Variants in PIK3CD observed in about 807,000 individuals in gnomAD.
The protein encoded by PIK3CD is phosphatidylinositol-4,5-bisphosphate 3-kinase catalytic subunit delta, also known as phosphatidylinositol 4,5-bisphosphate 3-kinase catalytic subunit delta isoform.
A neutral mutation model predicts 122.9 loss-of-function variants in PIK3CD; 20 were observed. The ratio of observed to expected loss-of-function variants is 0.16; its 90% confidence interval spans 0.11 to 0.24. The LOEUF is 0.24. Ranked by LOEUF, PIK3CD falls within the 10% of genes least tolerant of loss-of-function variation. The probability of loss-of-function intolerance (pLI) is 1.00; values close to 1 mark genes in which losing one functional copy is unlikely to be tolerated. For missense variants in PIK3CD, 787 were observed against 1,406.3 expected, an observed-to-expected ratio of 0.56 and a Z score of 7.04; for synonymous variants, 596 against 593.4, an observed-to-expected ratio of 1.00 and a Z score of -0.06.
intron 3 of PIK3CD, among the ~76,000 whole-genome samples, chr1:9,712,558 G>T (rs1002156617): frequency 6.6e-6 from 1 of 152,146 alleles, no homozygotes; most frequent in African/African-American, 2.4e-5. Flanking sequence ...TGGGATTACA[G>T]CCGTGAGCCA....
intron 2 of PIK3CD, among the ~76,000 whole-genome samples, chr1:9,706,145 C>T (rs1646823703): frequency 6.7e-6 from 1 of 148,490 alleles, no homozygotes; most frequent in Non-Finnish European, 1.5e-5. Flanking sequence ...CTTTGGCCTC[C>T]CAAAGTGCTG....
At chr1:9,661,906 C>G (rs1473553489) in intron 1 of PIK3CD, among the ~76,000 whole-genome samples, 1 of 151,776 alleles carries the variant, frequency 6.6e-6, no homozygotes, top group East Asian at 1.9e-4. Context: ...TGAGGCAGGA[C>G]AATGGTGTGG....
rs1483093926 is a variant in PIK3CD at position 9,689,922 on chromosome 1, T to C, written c.-137-1545T>C. ...TTGCGTTCGCGGTGGGATTCTCAGC[T>C]ATGGGCCGCGCGACGCTCTCCTCTC... On this transcript the variant is annotated intron_variant, in intron 1 of 23. Coordinates refer to ENST00000377346, the MANE Select transcript of PIK3CD (RefSeq NM_005026.5). The surrounding 1 kb of genome is among the most constrained non-coding windows in gnomAD (Gnocchi z 6.1). 1.3e-5 allele frequency among the ~76,000 whole-genome samples: 2 copies of C among 151,658 alleles called. No individual in the cohort carries two copies. Among genetic ancestry groups the C allele is most frequent in the South Asian group, 4.2e-4 (2 of 4,800 alleles).
intron 1 of PIK3CD, among the ~76,000 whole-genome samples, chr1:9,659,691 G>C (rs1020761804): frequency 1.3e-5 from 2 of 152,104 alleles, no homozygotes; most frequent in Admixed American, 6.6e-5. Flanking sequence ...CCGTGTGGGG[G>C]TATGTATCAG....
At chr1:9,649,420 A>T (rs1218402918), upstream of PIK3CD, among the ~76,000 whole-genome samples, 1 of 151,770 alleles carries the variant, frequency 6.6e-6, no homozygotes, top group Admixed American at 6.6e-5. Flanking sequence ...TTTTGTAGAG[A>T]CTGGGTTTTG....
intron 2 of PIK3CD, among the ~76,000 whole-genome samples, chr1:9,699,997 G>T (rs1439449232): frequency 1.3e-5 from 2 of 152,250 alleles, no homozygotes; most frequent in East Asian, 3.9e-4. Context: ...TCTCACCCGA[G>T]GACCCTTCCC....
intron 1 of PIK3CD, chr1:9,653,661 G>T: frequency 2.0e-6 from 1 of 509,842 alleles, no homozygotes; most frequent in Admixed American, 2.7e-5. Context: ...GGGGCGGAAG[G>T]TTCTTTTGGT....
intron 1 of PIK3CD, among the ~76,000 whole-genome samples, chr1:9,655,633 TC>T (rs1162800290): frequency 6.6e-6 from 1 of 150,926 alleles, no homozygotes; most frequent in Non-Finnish European, 1.5e-5. Context: ...CCTTACCACC[TC>T]GGATAAGGGT....
intron 1 of PIK3CD, among the ~76,000 whole-genome samples, chr1:9,668,699 G>A (rs955717605): frequency 6.6e-6 from 1 of 151,876 alleles, no homozygotes; most frequent in Non-Finnish European, 1.5e-5. Flanking sequence ...GATTGATTTT[G>A]TTTTAATCTA....
rs752480132 is a variant in PIK3CD, at chr1:9,717,140, C to A, written c.930+32C>A. The A allele has an allele frequency of 6.2e-7, 1 of 1,613,322 alleles. No individual in the cohort carries two copies. Among genetic ancestry groups the A allele is most frequent in the Non-Finnish European group, 8.5e-7 (1 of 1,179,722 alleles). On this transcript the variant is annotated intron_variant, in intron 7 of 23. Transcript: ENST00000377346. The surrounding 1 kb of genome is among the most constrained non-coding windows in gnomAD (Gnocchi z 5.4). ...TGGCGCCTTCCGCCTCCCCTCTGAGCCACCCCTTCTTTCCACCTGGCGTCC... is the reference window on the plus strand; with the variant it reads ...TGGCGCCTTCCGCCTCCCCTCTGAGACACCCCTTCTTTCCACCTGGCGTCC...
chr1:9,698,968 A>G (rs982200320), intron 2 of PIK3CD, among the ~76,000 whole-genome samples: 4 of 152,218 alleles, frequency 2.6e-5, no homozygotes, highest in African/African-American at 9.6e-5. Flanking sequence ...CAGGAGGATT[A>G]CTTGAGCCCA....
chr1:9,724,252 C>CCCCCTCCTCT lies in PIK3CD; in HGVS notation c.2719-16_2719-7dup, dbSNP rs1649146059. The CCCCCTCCTCT allele has an allele frequency of 6.2e-7, 1 of 1,613,754 alleles. No homozygotes were observed. Among genetic ancestry groups the CCCCCTCCTCT allele is most frequent in the African/African-American group, 1.3e-5 (1 of 74,916 alleles). Reference sequence around the variant, plus strand: ...TCCTGTCTGACACCTTCTCAATCCTCCCCCTCCTCTCCCCTCCCCTCAGCT... The same window carrying CCCCCTCCTCT: ...TCCTGTCTGACACCTTCTCAATCCTCCCCCTCCTCTCCCCTCCTCTCCCCTCCCCTCAGCT... On this transcript the variant is annotated intron_variant, in intron 21 of 23. Coordinates refer to ENST00000377346, the MANE Select transcript of PIK3CD (RefSeq NM_005026.5). The surrounding 1 kb of genome is among the most constrained non-coding windows in gnomAD (Gnocchi z 7.3).
chr1:9,720,834 C>A lies in PIK3CD; in HGVS notation c.1614C>A (p.Val538=). 6.2e-7 allele frequency: 1 copy of A among 1,612,908 alleles called. No individual in the cohort carries two copies. Among genetic ancestry groups the A allele is most frequent in the Middle Eastern group, 1.7e-4 (1 of 6,056 alleles). Residue 538 remains valine, a synonymous_variant, in exon 13 of 24, where the codon GTC becomes GTA. Coordinates refer to ENST00000377346, the MANE Select transcript of PIK3CD (RefSeq NM_005026.5). This position sits in a 1 kb window ranked among gnomAD's most constrained non-coding sequence, Gnocchi z 9.0. Reference sequence around the variant, plus strand: ...TGGTGTGGAAGCTGCGGCATGAAGTCCAGGAGCACTTCCCGGAGGCGCTAG... The same window carrying A: ...TGGTGTGGAAGCTGCGGCATGAAGTACAGGAGCACTTCCCGGAGGCGCTAG... ...KDLVWKLRHE[V]QEHFPEALAR...
At chr1:9,725,523 C>G (rs1649396090) in intron 23 of PIK3CD, among the ~76,000 whole-genome samples, 1 of 151,674 alleles carries the variant, frequency 6.6e-6, no homozygotes, top group Admixed American at 6.6e-5. Context: ...CCATTGCACT[C>G]CAGCCTGGGC....
chr1:9,726,177 C>T (rs930725373), intron 23 of PIK3CD, among the ~76,000 whole-genome samples: 1 of 151,976 alleles, frequency 6.6e-6, no homozygotes, highest in Non-Finnish European at 1.5e-5. Flanking sequence ...CGCGCCACTG[C>T]ACTCCAGCTC....
chr1:9,678,282 T>C (rs372922373), intron 1 of PIK3CD, among the ~76,000 whole-genome samples: 170 of 151,842 alleles, frequency 1.1e-3, no homozygotes, highest in African/African-American at 3.9e-3. Context: ...AAACCCTGTG[T>C]CTACAAAAAA....
the PIK3CD span, among the ~76,000 whole-genome samples, chr1:9,646,065 C>A: frequency 6.6e-6 from 1 of 152,102 alleles, no homozygotes; most frequent in Non-Finnish European, 1.5e-5. Context: ...AGCCACCGCA[C>A]CTGGCCGAAA....
the PIK3CD span, among the ~76,000 whole-genome samples, chr1:9,643,520 A>C: frequency 6.6e-6 from 1 of 151,880 alleles, no homozygotes; most frequent in Non-Finnish European, 1.5e-5. Flanking sequence ...AAAGATTAAA[A>C]AAATAAATAA....
At chr1:9,639,940 C>T in the PIK3CD span, among the ~76,000 whole-genome samples, 1 of 151,988 alleles carries the variant, frequency 6.6e-6, no homozygotes, top group Non-Finnish European at 1.5e-5. Flanking sequence ...CGAGGGCTCA[C>T]TATGTTTCCT....
Sources: allele counts gnomAD v4.1 joint callset (sites outside exome capture counted in the v4.1 genomes callset), GRCh38; gene constraint gnomAD v4.1.1; non-coding constraint Gnocchi (gnomAD v3.1); transcripts MANE v1.5; gene names NCBI Gene and HGNC (gene_info 2026-07-23, HGNC 2026-07-21).